The following DAB1 variants were observed in gnomAD, a reference collection of about 807,000 sequenced individuals.
DAB1 encodes the protein DAB adaptor protein 1.
A neutral mutation model predicts 64.6 loss-of-function variants in DAB1; 15 were observed. That is an observed-to-expected ratio of 0.23 (90% confidence interval 0.16 to 0.36). DAB1 has a LOEUF of 0.36. DAB1 is among the 10% of genes least tolerant of loss of function. DAB1 has a pLI of 1.00. For missense variants in DAB1, 596 were observed against 706.7 expected (o/e 0.84, Z 1.78); for synonymous variants, 235 against 251.9 (o/e 0.93, Z 0.64).
At chr1:58,387,847 C>T (rs1644446533) in intron 3 of DAB1, among the ~76,000 whole-genome samples, 1 of 151,440 alleles carries the variant, frequency 6.6e-6, no homozygotes, top group African/African-American at 2.4e-5. Flanking sequence ...CTGCCTCAGC[C>T]TCTGAAGTAG....
At chr1:58,418,617 A>G (rs1043550656) in intron 3 of DAB1, among the ~76,000 whole-genome samples, 1 of 152,146 alleles carries the variant, frequency 6.6e-6, no homozygotes, top group African/African-American at 2.4e-5. Context: ...ACCACCTACC[A>G]ATACAGGAAA....
chr1:57,607,363 A>G (rs1645669907), intron 7 of DAB1, among the ~76,000 whole-genome samples: 1 of 152,192 alleles, frequency 6.6e-6, no homozygotes, highest in East Asian at 1.9e-4. Flanking sequence ...TTGTGCAAAC[A>G]TTAGTTTTCT....
chr1:58,438,693 C>T (rs1436514363), intron 3 of DAB1, among the ~76,000 whole-genome samples: 2 of 152,192 alleles, frequency 1.3e-5, no homozygotes, highest in African/African-American at 2.4e-5. Context: ...TTCACATGCT[C>T]CTCAGGTGTC....
chr1:58,460,005 G>A (rs148357495), intron 3 of DAB1, among the ~76,000 whole-genome samples: 6 of 152,216 alleles, frequency 3.9e-5, no homozygotes, highest in African/African-American at 9.6e-5. Context: ...AAATCACAAA[G>A]TCCAGTCCAA....
At chr1:57,164,928 G>A (rs1424766227) in intron 2 of DAB1, among the ~76,000 whole-genome samples, 2 of 152,152 alleles carry the variant, frequency 1.3e-5, no homozygotes, top group African/African-American at 4.8e-5. Context: ...ATGAGTTTCT[G>A]TATATCTGGT....
At chr1:57,465,580 T>G (rs1281025791) in intron 7 of DAB1, among the ~76,000 whole-genome samples, 2 of 152,240 alleles carry the variant, frequency 1.3e-5, no homozygotes, top group African/African-American at 4.8e-5. Context: ...GCAAACAGAT[T>G]AATATAGTTT....
chr1:57,264,660 T>G (rs1352717783), intron 2 of DAB1, among the ~76,000 whole-genome samples: 2 of 151,880 alleles, frequency 1.3e-5, no homozygotes, highest in Non-Finnish European at 2.9e-5. Context: ...CCCCTGAACA[T>G]GACGCCTAAA....
intron 3 of DAB1, among the ~76,000 whole-genome samples, chr1:58,379,169 C>G (rs1000294803): frequency 3.3e-5 from 5 of 151,918 alleles, no homozygotes; most frequent in Non-Finnish European, 5.9e-5. Context: ...AGCTGTAGAC[C>G]GGAGCTGTTC....
At position 58,338,040 on chromosome 1, in the gene DAB1, A is replaced by G. The variant is rs138140603; in HGVS notation, n.309+5312T>C. Among the ~76,000 whole-genome samples, 178 of 152,268 alleles carry G rather than the reference A, an allele frequency of 1.2e-3. 1 individual carries two copies. Among genetic ancestry groups the G allele is most frequent in the African/African-American group, 3.9e-3 (164 of 41,562 alleles). On this transcript the variant is annotated intron_variant and non_coding_transcript_variant, in intron 4 of 20. Coordinates refer to the DAB1 transcript ENST00000485760. ...GCCAAGAAAAAAAAAATAGCCACTA[A>G]CATTTGAAGACAACTCTTCATTTCA...
rs547053774 is a variant in DAB1, at chr1:57,250,254, T to G, written c.67+40710A>C. Among the ~76,000 whole-genome samples the G allele has an allele frequency of 4.6e-5, 7 of 152,314 alleles. No homozygotes were observed. The South Asian group carries it at 1.2e-3, about 27-fold the overall frequency. ...GGAATTTTGCATGAAAACACAAATG[T>G]TAATTCCTCACCTCAGTTGGCAGGA... On this transcript the variant is annotated intron_variant, in intron 2 of 14. Coordinates refer to ENST00000371236, the MANE Select transcript of DAB1 (RefSeq NM_001365792.1).
chr1:57,010,703 C>T lies in DAB1; in HGVS notation c.1660G>A (p.Gly554Ser), dbSNP rs114941053. The T allele has an allele frequency of 4.2e-5, 66 of 1,571,820 alleles. No homozygotes were observed. The South Asian group carries it at 6.1e-4, about 15-fold the overall frequency. ...ACCCAGACCTGCGCTATCTAGCTAC[C>T]GGCCTGTGGACTTATATTATCACCA... ...PSGDNISPQAGS is the reference protein window; with the variant it reads ...PSGDNISPQASS Residue 554 changes from glycine to serine, a missense_variant, in exon 14 of 15, where the codon GGT (glycine) becomes AGT (serine). By Grantham distance (56) the Gly-to-Ser change is moderately conservative. This residue lies in a region of DAB1 where 377 missense variants were observed against 400.4 expected (regional missense o/e 0.94). Coordinates refer to ENST00000371236, the MANE Select transcript of DAB1 (RefSeq NM_001365792.1).
chr1:57,718,062 G>A (rs1295277615), intron 6 of DAB1, among the ~76,000 whole-genome samples: 1 of 152,048 alleles, frequency 6.6e-6, no homozygotes, highest in Non-Finnish European at 1.5e-5. Context: ...CTTCCTTCTT[G>A]GACTTCAGGT....
chr1:57,617,303 C>T (rs1217442264), intron 7 of DAB1, among the ~76,000 whole-genome samples: 1 of 152,118 alleles, frequency 6.6e-6, no homozygotes, highest in African/African-American at 2.4e-5. Flanking sequence ...GGTTAGCCCC[C>T]TGCCTCAATT....
chr1:57,764,273 T>C (rs906863237), intron 6 of DAB1, among the ~76,000 whole-genome samples: 1 of 152,148 alleles, frequency 6.6e-6, no homozygotes, highest in African/African-American at 2.4e-5. Flanking sequence ...TTGGTTTTAG[T>C]TTTTTCCTTT....
intron 2 of DAB1, among the ~76,000 whole-genome samples, chr1:57,156,509 G>GA (rs1174279352): frequency 6.6e-6 from 1 of 152,058 alleles, no homozygotes; most frequent in African/African-American, 2.4e-5. Flanking sequence ...CTGAATAACT[G>GA]AAAAAATGAT....
intron 5 of DAB1, among the ~76,000 whole-genome samples, chr1:58,005,320 G>A (rs763831944): frequency 1.3e-5 from 2 of 152,142 alleles, no homozygotes; most frequent in Non-Finnish European, 2.9e-5. Context: ...AAATGCATGA[G>A]TCTGCCCAAA....
At chr1:58,318,437 G>A (rs1354873536) in intron 4 of DAB1, among the ~76,000 whole-genome samples, 5 of 152,324 alleles carry the variant, frequency 3.3e-5, no homozygotes, top group South Asian at 2.1e-4. Context: ...AAGTGAGGAC[G>A]GGCTGACTCT....
chr1:58,012,653 G>C (rs1188010), intron 5 of DAB1, among the ~76,000 whole-genome samples: 96,323 of 151,946 alleles, frequency 0.63, 31,329 homozygotes, highest in East Asian at 0.98. Context: ...GACACAAGAG[G>C]TTGGTCTTGC....
intron 1 of DAB1, among the ~76,000 whole-genome samples, chr1:57,846,776 G>A (rs1653306777): frequency 6.6e-6 from 1 of 152,188 alleles, no homozygotes; most frequent in African/African-American, 2.4e-5. Context: ...ATCTATGGAA[G>A]AATGGCACAG....
Sources: gnomAD v4.1 joint callset for allele counts (sites outside exome capture counted in the v4.1 genomes callset) on GRCh38, gnomAD v4.1.1 for gene constraint, gnomAD v4.1.1 regional missense constraint, MANE v1.5 for transcripts, NCBI Gene and HGNC (gene_info 2026-07-23, HGNC 2026-07-21) for gene names.